Variants in KIF13A observed in about 807,000 individuals in gnomAD.
KIF13A encodes kinesin-like protein KIF13A.
In KIF13A, 79 loss-of-function variants were observed where a neutral mutation model predicts 212.2. That is an observed-to-expected ratio of 0.37 (90% CI 0.31 to 0.45). KIF13A has a LOEUF of 0.45. KIF13A is among the 20% of genes least tolerant of loss of function. The probability of loss-of-function intolerance (pLI) is 1.00; values close to 1 mark genes in which losing one functional copy is unlikely to be tolerated. For missense variants in KIF13A, 1,901 were observed against 2,209.0 expected (o/e 0.86, Z 2.79); for synonymous variants, 789 against 808.6 (o/e 0.98, Z 0.41).
chr6:17,833,636 A>G (rs1031577899), intron 12 of KIF13A, among the ~76,000 whole-genome samples: 14 of 151,796 alleles, frequency 9.2e-5, no homozygotes, highest in African/African-American at 3.4e-4. Flanking sequence ...CTGGCAGATC[A>G]CCTGAGGTCA....
At chr6:17,878,191 G>A (rs542367334) in intron 3 of KIF13A, among the ~76,000 whole-genome samples, 15 of 152,296 alleles carry the variant, frequency 9.8e-5, no homozygotes, top group Middle Eastern at 3.4e-3. Flanking sequence ...ACAGCAAGGG[G>A]GCACTGGAAA....
At chr6:17,896,714 G>A (rs1220716005) in intron 3 of KIF13A, among the ~76,000 whole-genome samples, 1 of 152,190 alleles carries the variant, frequency 6.6e-6, no homozygotes, top group African/African-American at 2.4e-5. Context: ...ACTAGAAAGT[G>A]ACAAGAACAT....
chr6:17,919,735 G>C lies in KIF13A; in HGVS notation c.147-21555C>G, dbSNP rs1180402411. Among the ~76,000 whole-genome samples the C allele has an allele frequency of 6.6e-6, 1 of 152,148 alleles. No individual in the cohort carries two copies. The highest frequency in any genetic ancestry group is 1.5e-5 in the Non-Finnish European group (1 of 68,044). ...GGTGGCAGCCGAACGGTGTCTCCTG[G>C]CAGCCCAATACTGTGACAAGAGGTG... On this transcript the variant is annotated intron_variant, in intron 2 of 38. Coordinates refer to ENST00000259711, the MANE Select transcript of KIF13A (RefSeq NM_022113.6). The surrounding 1 kb of genome is among the most constrained non-coding windows in gnomAD (Gnocchi z 4.1).
chr6:17,829,505 G>A lies in KIF13A; in HGVS notation c.1402-1135C>T, dbSNP rs923070864. Among the ~76,000 whole-genome samples the A allele has an allele frequency of 2.6e-5, 4 of 152,114 alleles. No homozygotes were observed. Among genetic ancestry groups the A allele is most frequent in the Admixed American group, 2.0e-4 (3 of 15,270 alleles). On this transcript the variant is annotated intron_variant, in intron 13 of 38. Coordinates refer to ENST00000259711, the MANE Select transcript of KIF13A (RefSeq NM_022113.6). The surrounding 1 kb of genome is among the most constrained non-coding windows in gnomAD (Gnocchi z 5.4). ...AGGACATCTGATTGACACTGATAGC[G>A]TCCAATACAGTAAACACACTGCACC...
intron 16 of KIF13A, among the ~76,000 whole-genome samples, chr6:17,821,552 G>GTGTGTGTGTGTGTGTGTGT (rs1554172080): frequency 1.2e-4 from 13 of 112,014 alleles, no homozygotes; most frequent in African/African-American, 4.0e-4. Flanking sequence ...ATTGGGACAT[G>GTGTGTGTGTGTGTGTGTGT]GTGTGTGTGT....
chr6:17,948,455 A>C (rs1028587617), intron 2 of KIF13A, among the ~76,000 whole-genome samples: 6 of 152,130 alleles, frequency 3.9e-5, no homozygotes, highest in African/African-American at 1.4e-4. Context: ...CACTCTCTTA[A>C]CACTGTAGCT....
chr6:17,817,767 T>C (rs1358409840), intron 16 of KIF13A, among the ~76,000 whole-genome samples: 2 of 152,232 alleles, frequency 1.3e-5, no homozygotes, highest in African/African-American at 2.4e-5. Context: ...TGTTTGAAAA[T>C]ATTGCTTAAG....
intron 2 of KIF13A, among the ~76,000 whole-genome samples, chr6:17,942,967 A>T (rs1333805346): frequency 6.6e-6 from 1 of 152,178 alleles, no homozygotes; most frequent in African/African-American, 2.4e-5. Context: ...CGACAGAGTG[A>T]GACTCTGTCT....
Position 17,771,362 on chromosome 6 carries a change from T to A in KIF13A, c.4477-144A>T. 2 of 612,014 alleles carry A rather than the reference T, an allele frequency of 3.3e-6. No homozygotes were observed. Among genetic ancestry groups the A allele is most frequent in the Non-Finnish European group, 5.9e-6 (2 of 340,624 alleles). The allele number at this position is 612,014 out of a possible 1,614,324, so 37.9% of individuals were successfully genotyped here. A position where few individuals can be genotyped will look rare whatever the true frequency, so the allele number is the denominator to read the frequency against. ...CAGCAGCCAATTCTGCAGGCCAGAGTTAAACTACTGGAGAGATATGACAGG... is the reference window on the plus strand; with the variant it reads ...CAGCAGCCAATTCTGCAGGCCAGAGATAAACTACTGGAGAGATATGACAGG... On this transcript the variant is annotated intron_variant, in intron 37 of 38. Coordinates refer to ENST00000259711, the MANE Select transcript of KIF13A (RefSeq NM_022113.6). The surrounding 1 kb of genome is among the most constrained non-coding windows in gnomAD (Gnocchi z 5.4).
At chr6:17,929,059 C>CAAAAAAA (rs375511285) in intron 2 of KIF13A, among the ~76,000 whole-genome samples, 22 of 36,660 alleles carry the variant, frequency 6.0e-4, no homozygotes, top group Middle Eastern at 0.017. Flanking sequence ...AAGAATTTCT[C>CAAAAAAA]AAAAAAAAAA....
rs553343813 is a variant in KIF13A at position 17,855,900 on chromosome 6, C to T, written c.313+130G>A. ...CTAATGTTTTTAGTTTTTATAAAGA[C>T]GGGTCTTACTATGTTGCCCAGGCTG... On this transcript the variant is annotated intron_variant, in intron 5 of 38. Transcript: ENST00000259711. The surrounding 1 kb of genome is among the most constrained non-coding windows in gnomAD (Gnocchi z 4.1). The T allele has an allele frequency of 4.0e-4, 271 of 672,306 alleles. No individual in the cohort carries two copies. Among genetic ancestry groups the T allele is most frequent in the African/African-American group, 1.4e-3 (78 of 54,808 alleles). 41.6% of individuals were successfully genotyped at this position (672,306 alleles called of 1,614,324 possible).
intron 3 of KIF13A, among the ~76,000 whole-genome samples, chr6:17,877,539 A>G (rs560809260): frequency 6.6e-6 from 1 of 152,334 alleles, no homozygotes; most frequent in South Asian, 2.1e-4. Flanking sequence ...GAGATTCCAC[A>G]AACTCCCTTT....
chr6:17,929,460 G>C (rs867705589), intron 2 of KIF13A, among the ~76,000 whole-genome samples: 1 of 150,974 alleles, frequency 6.6e-6, no homozygotes, highest in African/African-American at 2.4e-5. Flanking sequence ...GAGTGCAGTG[G>C]CACGATCTTG....
Position 17,898,219 on chromosome 6 carries a change from C to T in KIF13A, c.147-39G>A, listed in dbSNP as rs371372197. 10 of 1,607,714 alleles carry T rather than the reference C, an allele frequency of 6.2e-6. No individual in the cohort carries two copies. Among genetic ancestry groups the T allele is most frequent in the Middle Eastern group, 3.3e-4 (2 of 6,064 alleles). On this transcript the variant is annotated intron_variant, in intron 2 of 38. Coordinates refer to ENST00000259711, the MANE Select transcript of KIF13A (RefSeq NM_022113.6). This position sits in a 1 kb window ranked among gnomAD's most constrained non-coding sequence, Gnocchi z 5.2. ...AAAAAAAAATTCAGCAGCAGGGATA[C>T]AGAGGGTTGTCAACACAGCAGCCAC...
In KIF13A at chr6:17,912,350, G is replaced by A. The variant is rs1254589408; in HGVS notation, c.147-14170C>T. Reference sequence around the variant, plus strand: ...TTCAGAAACCAAAATTTCCCCTTCTGGGAAAGAAACCCAGGTTCAGTTCTA... The same window carrying A: ...TTCAGAAACCAAAATTTCCCCTTCTAGGAAAGAAACCCAGGTTCAGTTCTA... On this transcript the variant is annotated intron_variant, in intron 2 of 38. Transcript: ENST00000259711. This position sits in a 1 kb window ranked among gnomAD's most constrained non-coding sequence, Gnocchi z 4.2. Among the ~76,000 whole-genome samples, 1 of 152,122 alleles carries A rather than the reference G, an allele frequency of 6.6e-6. No homozygotes were observed. The highest frequency in any genetic ancestry group is 1.5e-5 in the Non-Finnish European group (1 of 68,016).
rs1474607783 is a variant in KIF13A at position 17,828,283 on chromosome 6, C to T, written c.1489G>A (p.Ala497Thr). 2 of 1,610,016 alleles carry T rather than the reference C, an allele frequency of 1.2e-6. No individual in the cohort carries two copies. Among genetic ancestry groups the T allele is most frequent in the Non-Finnish European group, 1.7e-6 (2 of 1,177,854 alleles). Residue 497 changes from alanine to threonine, a missense_variant, in exon 14 of 39, where the codon GCA (alanine) becomes ACA (threonine). By Grantham distance (58) the Ala-to-Thr change is moderately conservative (BLOSUM62 0). Coordinates refer to ENST00000259711, the MANE Select transcript of KIF13A (RefSeq NM_022113.6). This position sits in a 1 kb window ranked among gnomAD's most constrained non-coding sequence, Gnocchi z 4.3. ...IQPQHCEIDI[A>T]SDGDVTLTPK... ...GTGAGAGTGACGTCTCCATCAGATG[C>T]AATGTCAATCTCACAGTGCTGAGGC...
intron 3 of KIF13A, among the ~76,000 whole-genome samples, chr6:17,879,748 T>C (rs975288317): frequency 3.9e-5 from 6 of 152,232 alleles, no homozygotes; most frequent in African/African-American, 1.4e-4. Context: ...AATCTCTTGT[T>C]AGTTCCATAA....
At position 17,961,694 on chromosome 6, in the gene KIF13A, T is replaced by C. The variant is rs1313109587; in HGVS notation, c.146+25360A>G. ...TAGCTTGTTTTCTTCTTATATACAA[T>C]TGTATAACAGTTATTTTCCTGTTTG... On this transcript the variant is annotated intron_variant, in intron 2 of 38. Coordinates refer to ENST00000259711, the MANE Select transcript of KIF13A (RefSeq NM_022113.6). This position sits in a 1 kb window ranked among gnomAD's most constrained non-coding sequence, Gnocchi z 4.1. Among the ~76,000 whole-genome samples, 4 of 152,214 alleles carry C rather than the reference T, an allele frequency of 2.6e-5. No homozygotes were observed. Among genetic ancestry groups the C allele is most frequent in the Non-Finnish European group, 5.9e-5 (4 of 68,040 alleles).
intron 2 of KIF13A, among the ~76,000 whole-genome samples, chr6:17,924,910 C>T (rs974771831): frequency 6.6e-6 from 1 of 152,120 alleles, no homozygotes; most frequent in Admixed American, 6.5e-5. Context: ...ATTGCTACAA[C>T]GCTTAGGTTA....
Sources: allele counts gnomAD v4.1 joint callset (sites outside exome capture counted in the v4.1 genomes callset), GRCh38; gene constraint gnomAD v4.1.1; non-coding constraint Gnocchi (gnomAD v3.1); transcripts MANE v1.5; gene names NCBI Gene and HGNC (gene_info 2026-07-23, HGNC 2026-07-21).